The following SEMA5A variants were observed in gnomAD, a reference collection of about 807,000 sequenced individuals.
SEMA5A encodes semaphorin-5A.
SEMA5A carries 55 observed loss-of-function variants against 135.5 expected under a neutral mutation model. The ratio of observed to expected loss-of-function variants is 0.41; its 90% CI spans 0.33 to 0.51. SEMA5A has a LOEUF of 0.51. SEMA5A is among the 20% of genes least tolerant of loss of function. The pLI is 0.37. For synonymous variants in SEMA5A, 580 were observed against 546.5 expected (o/e 1.06, Z -0.85); for missense variants, 1,290 against 1,419.9 (o/e 0.91, Z 1.47).
At chr5:9,384,527 TATAGATAG>T (rs10547408) in intron 2 of SEMA5A, among the ~76,000 whole-genome samples, 1,901 of 96,514 alleles carry the variant, frequency 0.02, 73 homozygotes, top group Non-Finnish European at 0.026. Context: ...GAACCTCTGC[TATAGATAG>T]ATAGATAGAT....
intron 1 of SEMA5A, among the ~76,000 whole-genome samples, chr5:9,514,465 G>A (rs1338989777): frequency 2.0e-5 from 3 of 152,124 alleles, no homozygotes; most frequent in African/African-American, 7.2e-5. Context: ...CAGTATACCT[G>A]AGGGATTGGT....
intron 2 of SEMA5A, among the ~76,000 whole-genome samples, chr5:9,401,787 G>T (rs1756670576): frequency 6.6e-6 from 1 of 152,168 alleles, no homozygotes; most frequent in Non-Finnish European, 1.5e-5. Context: ...TCAGCCTGGG[G>T]TTGCTAGTTA....
intron 5 of SEMA5A, among the ~76,000 whole-genome samples, chr5:9,314,185 G>A (rs1752289309): frequency 6.6e-6 from 1 of 152,094 alleles, no homozygotes; most frequent in African/African-American, 2.4e-5. Flanking sequence ...CCCATGATTT[G>A]TGGTAGAAAA....
intron 5 of SEMA5A, among the ~76,000 whole-genome samples, chr5:9,275,584 A>G (rs1750217064): frequency 6.6e-6 from 1 of 152,216 alleles, no homozygotes; most frequent in African/African-American, 2.4e-5. Context: ...GAAAATCCTC[A>G]ATAAAATACT....
intron 2 of SEMA5A, among the ~76,000 whole-genome samples, chr5:9,428,191 A>T (rs560828680): frequency 9.1e-4 from 136 of 149,808 alleles, no homozygotes; most frequent in Non-Finnish European, 1.6e-3. Flanking sequence ...CATCCAATTG[A>T]CCCAGAATTG....
intron 2 of SEMA5A, among the ~76,000 whole-genome samples, chr5:9,422,082 T>C (rs956946640): frequency 1.3e-5 from 2 of 152,194 alleles, no homozygotes; most frequent in African/African-American, 4.8e-5. Flanking sequence ...ATTACTAAGA[T>C]AAAACATCCA....
chr5:9,215,645 C>T (rs1258567262), intron 8 of SEMA5A, among the ~76,000 whole-genome samples: 3 of 152,090 alleles, frequency 2.0e-5, no homozygotes, highest in Admixed American at 2.0e-4. Context: ...CATGCCGGCA[C>T]CTTGATTTTG....
chr5:9,188,062 C>T (rs1744903088), intron 11 of SEMA5A, among the ~76,000 whole-genome samples: 1 of 152,168 alleles, frequency 6.6e-6, no homozygotes, highest in Non-Finnish European at 1.5e-5. Flanking sequence ...CCTAATCCCC[C>T]ATGAAATGTA....
intron 5 of SEMA5A, among the ~76,000 whole-genome samples, chr5:9,302,255 C>T (rs1039305066): frequency 1.3e-5 from 2 of 152,150 alleles, no homozygotes; most frequent in African/African-American, 4.8e-5. Context: ...AATTAGATAT[C>T]TTTTGGAGGG....
Position 9,456,857 on chromosome 5 carries a change from T to C in SEMA5A, c.-174-19005A>G, listed in dbSNP as rs975802262. 2.0e-5 allele frequency among the ~76,000 whole-genome samples: 3 copies of C among 152,292 alleles called. No individual in the cohort carries two copies. In the South Asian group the frequency reaches 6.2e-4, roughly 32 times the overall value. The stretch of plus-strand genomic sequence containing the variant: ...TGTTTAAATGACAACAGAGAGGCTG[T>C]CTTACCCAAGTAGAACAGGATCAAA... On this transcript the variant is annotated intron_variant, in intron 1 of 22. Coordinates refer to ENST00000382496, the MANE Select transcript of SEMA5A (RefSeq NM_003966.3).
Position 9,066,591 on chromosome 5 carries a change from C to T in SEMA5A, c.2129G>A (p.Trp710Ter). The T allele has an allele frequency of 6.2e-7, 1 of 1,614,126 alleles. No homozygotes were observed. Among genetic ancestry groups the T allele is most frequent in the Non-Finnish European group, 8.5e-7 (1 of 1,180,014 alleles). The change falls in exon 17 of 23, where the codon TGG becomes TAG. Residue 710 changes from tryptophan to a stop codon, truncating the protein, a stop_gained. Coordinates refer to ENST00000382496, the MANE Select transcript of SEMA5A (RefSeq NM_003966.3). LOFTEE classifies it high-confidence loss of function. ...PCPELKKTTP[W>*]TPWTPVNISD... is the part of the protein sequence containing the mutation. ...GATGTTGACAGGTGTCCAGGGTGTC[C>T]AGGGCGTGGTCTTCTTCAGCTCAGG...
At chr5:9,524,621 T>A (rs1737022367) in intron 1 of SEMA5A, among the ~76,000 whole-genome samples, 1 of 152,184 alleles carries the variant, frequency 6.6e-6, no homozygotes, top group Non-Finnish European at 1.5e-5. Context: ...TCTCTTGCTT[T>A]AAGCCACCGA....
At chr5:9,151,518 C>T (rs1742633805) in intron 12 of SEMA5A, among the ~76,000 whole-genome samples, 1 of 152,094 alleles carries the variant, frequency 6.6e-6, no homozygotes, top group African/African-American at 2.4e-5. Context: ...CAAAAAACCC[C>T]ACAATTTTTC....
rs1561202874 is a variant in SEMA5A, at chr5:9,379,949, T to C, written c.-3A>G. The C allele has an allele frequency of 1.2e-6, 2 of 1,608,994 alleles. No individual in the cohort carries two copies. Among genetic ancestry groups the C allele is most frequent in the South Asian group, 2.2e-5 (2 of 90,806 alleles). On this transcript the variant is annotated 5_prime_UTR_variant, in exon 3 of 23. Coordinates refer to ENST00000382496, the MANE Select transcript of SEMA5A (RefSeq NM_003966.3). ...GCTATAACACAGGTTCCCTTCATGG[T>C]GGGCAAGGGGCCTCTGACTCTGGGC... is the stretch of plus-strand genomic sequence containing the variant.
intron 13 of SEMA5A, among the ~76,000 whole-genome samples, chr5:9,128,039 A>G (rs959825251): frequency 6.6e-6 from 1 of 152,238 alleles, no homozygotes; most frequent in African/African-American, 2.4e-5. Flanking sequence ...CACTTTTCCA[A>G]AGAGGCTAAG....
intron 16 of SEMA5A, among the ~76,000 whole-genome samples, chr5:9,098,988 T>A (rs73741655): frequency 0.077 from 11,747 of 152,218 alleles, 477 homozygotes; most frequent in South Asian, 0.16. Context: ...TTAAAAACTA[T>A]AGAAATGTAC....
intron 1 of SEMA5A, among the ~76,000 whole-genome samples, chr5:9,493,771 C>T (rs1482177858): frequency 6.6e-6 from 1 of 152,172 alleles, no homozygotes; most frequent in East Asian, 1.9e-4. Flanking sequence ...GATGCACTAT[C>T]AGGAAGATGT....
At chr5:9,051,376 A>C (rs1242398903) in intron 20 of SEMA5A, among the ~76,000 whole-genome samples, 2 of 152,198 alleles carry the variant, frequency 1.3e-5, no homozygotes, top group African/African-American at 2.4e-5. Context: ...ACCAACAACT[A>C]CACACTGACT....
chr5:9,156,179 CA>C (rs1742945117), intron 11 of SEMA5A, among the ~76,000 whole-genome samples: 1 of 152,148 alleles, frequency 6.6e-6, no homozygotes, highest in African/African-American at 2.4e-5. Context: ...TCACAGTTCA[CA>C]GATGTAAGCA....
Sources: allele counts gnomAD v4.1 joint callset (sites outside exome capture counted in the v4.1 genomes callset), GRCh38; gene constraint gnomAD v4.1.1; transcripts MANE v1.5; gene names NCBI Gene and HGNC (gene_info 2026-07-23, HGNC 2026-07-21).